The following PARVA variants were observed in gnomAD, a reference collection of about 807,000 sequenced individuals.
The protein encoded by PARVA is alpha-parvin.
PARVA carries 25 observed loss-of-function variants against 52.6 expected under a neutral mutation model. The observed-to-expected ratio is 0.48, with a 90% CI of 0.35 to 0.66. PARVA has a LOEUF of 0.66. Ranked by LOEUF, PARVA falls within the 30% of genes least tolerant of loss-of-function variation. The pLI, the probability that PARVA is intolerant of heterozygous loss-of-function variation, is 0.01. For synonymous variants in PARVA, 185 were observed against 179.1 expected (o/e 1.03, Z -0.26); for missense variants, 373 against 450.9 (o/e 0.83, Z 1.56).
At chr11:12,519,021 C>T (rs1941607181) in intron 12 of PARVA, among the ~76,000 whole-genome samples, 1 of 152,228 alleles carries the variant, frequency 6.6e-6, no homozygotes, top group Non-Finnish European at 1.5e-5. Context: ...GGGACAAGTG[C>T]TTCTGCAGCC....
intron 1 of PARVA, among the ~76,000 whole-genome samples, chr11:12,394,157 A>G (rs1939702092): frequency 6.6e-6 from 1 of 152,154 alleles, no homozygotes. Flanking sequence ...TGAAGCAGAG[A>G]GCTTGGTTCC....
intron 5 of PARVA, among the ~76,000 whole-genome samples, chr11:12,499,566 T>G (rs1941341595): frequency 6.6e-6 from 1 of 152,180 alleles, no homozygotes; most frequent in African/African-American, 2.4e-5. Flanking sequence ...TTCTAAACAC[T>G]TTATGTATTT....
chr11:12,425,992 C>G (rs1184794939), intron 1 of PARVA, among the ~76,000 whole-genome samples: 1 of 68,070 alleles, frequency 1.5e-5, no homozygotes, highest in Non-Finnish European at 2.9e-5. Flanking sequence ...CAGCCATCCA[C>G]TCCCATTCAT....
chr11:12,445,967 G>A (rs903408162), intron 1 of PARVA, among the ~76,000 whole-genome samples: 2 of 151,886 alleles, frequency 1.3e-5, no homozygotes, highest in Admixed American at 1.3e-4. Flanking sequence ...CAATTGTTGA[G>A]GAAAGACAAT....
At chr11:12,377,304 G>C (rs1225179042), upstream of PARVA, 2 of 706,118 alleles carry the variant, frequency 2.8e-6, no homozygotes, top group African/African-American at 3.8e-5. Context: ...GGTGGGGACA[G>C]AGCCTGGGTA....
At chr11:12,483,005 G>T (rs1455413272) in intron 4 of PARVA, among the ~76,000 whole-genome samples, 1 of 152,222 alleles carries the variant, frequency 6.6e-6, no homozygotes, top group Non-Finnish European at 1.5e-5. Context: ...ACTTTGGCTG[G>T]CAAGGACTGG....
chr11:12,516,530 C>G (rs964988569), intron 10 of PARVA, among the ~76,000 whole-genome samples: 3 of 152,212 alleles, frequency 2.0e-5, no homozygotes, highest in Non-Finnish European at 4.4e-5. Context: ...AGCTGAGGGA[C>G]TCTCCTGTCC....
chr11:12,450,997 A>G (rs1940616824), intron 1 of PARVA, among the ~76,000 whole-genome samples: 1 of 152,190 alleles, frequency 6.6e-6, no homozygotes, highest in Non-Finnish European at 1.5e-5. Context: ...ACACCCAGAA[A>G]CAATATGTTA....
At chr11:12,513,043 T>A (rs987101890) in intron 8 of PARVA, 4 of 654,082 alleles carry the variant, frequency 6.1e-6, no homozygotes, top group Non-Finnish European at 8.5e-6. Context: ...TCACACTACC[T>A]AAAAGAGCCC....
intron 1 of PARVA, among the ~76,000 whole-genome samples, chr11:12,468,253 G>A (rs1042288538): frequency 1.3e-5 from 2 of 152,258 alleles, no homozygotes; most frequent in South Asian, 2.1e-4. Flanking sequence ...GCAGGCCTAC[G>A]TCAAATCCCC....
In PARVA at chr11:12,473,961, C is replaced by T. The variant is rs1386782360; in HGVS notation, c.275C>T (p.Pro92Leu). The T allele has an allele frequency of 1.3e-6, 2 of 1,580,678 alleles. No homozygotes were observed. Among genetic ancestry groups the T allele is most frequent in the East Asian group, 2.3e-5 (1 of 43,094 alleles). ...GTGGATCCAAACTCACGCAGTGACC[C>T]CAAGCTTCAAGAACTGATGAAGGTA... ...TMVDPNSRSDPKLQELMKVLI... is the reference protein window; with the variant it reads ...TMVDPNSRSDLKLQELMKVLI... The change falls in exon 3 of 13, where the codon CCC (proline) becomes CTC (leucine). Residue 92 changes from proline (P) to leucine (L), a missense_variant. By Grantham distance (98) the Pro-to-Leu change is moderately conservative. Transcript: ENST00000334956.
At chr11:12,413,187 A>G (rs1940016040) in intron 1 of PARVA, among the ~76,000 whole-genome samples, 1 of 152,214 alleles carries the variant, frequency 6.6e-6, no homozygotes, top group Non-Finnish European at 1.5e-5. Flanking sequence ...TATTATCTCC[A>G]TTTCATAGAT....
chr11:12,387,750 G>A (rs974678417), intron 1 of PARVA, among the ~76,000 whole-genome samples: 7 of 151,496 alleles, frequency 4.6e-5, no homozygotes, highest in African/African-American at 1.7e-4. Context: ...CCCATCGGTT[G>A]GGGGGTTTGG....
chr11:12,518,668 C>T (rs1449133077), intron 12 of PARVA, among the ~76,000 whole-genome samples, 151 bp downstream of exon 12: 1 of 152,182 alleles, frequency 6.6e-6, no homozygotes, highest in African/African-American at 2.4e-5. Context: ...CCCAGAGACC[C>T]TTTGTGAGCT....
At position 12,510,371 on chromosome 11, in the gene PARVA, A is replaced by G. The variant is rs191706103; in HGVS notation, c.717-1143A>G. Reference sequence around the variant, plus strand: ...AAAAAGTGTTTTGAGCATTTACTACATACTAGGAATTATGCTAAAATATTT... The same window carrying G: ...AAAAAGTGTTTTGAGCATTTACTACGTACTAGGAATTATGCTAAAATATTT... On this transcript the variant is annotated intron_variant, in intron 7 of 12. Transcript: ENST00000334956. Among the ~76,000 whole-genome samples the G allele has an allele frequency of 2.1e-3, 316 of 152,364 alleles. 3 individuals are homozygous for G. The highest frequency in any genetic ancestry group is 2.9e-3 in the Non-Finnish European group (200 of 68,038).
chr11:12,447,453 G>A lies in PARVA; in HGVS notation c.137-26292G>A, dbSNP rs117477383. ...GAGAGAGGGACCAGAGCGCCTTGCCGAGCCCCGAGCCCGGTAGATATGGTC... is the reference window on the plus strand; with the variant it reads ...GAGAGAGGGACCAGAGCGCCTTGCCAAGCCCCGAGCCCGGTAGATATGGTC... On this transcript the variant is annotated intron_variant, in intron 1 of 12. Coordinates refer to ENST00000334956, the MANE Select transcript of PARVA (RefSeq NM_018222.5). Among the ~76,000 whole-genome samples, 160 of 152,224 alleles carry A rather than the reference G, an allele frequency of 1.1e-3. 2 individuals carry two copies. The highest frequency in any genetic ancestry group is 2.0e-3 in the Non-Finnish European group (136 of 68,018).
At chr11:12,428,646 C>G (rs560428487) in intron 1 of PARVA, among the ~76,000 whole-genome samples, 1 of 152,094 alleles carries the variant, frequency 6.6e-6, no homozygotes, top group Non-Finnish European at 1.5e-5. Flanking sequence ...GATATTCATG[C>G]GTGTCTGAAT....
chr11:12,431,743 T>C (rs1940318920), intron 1 of PARVA, among the ~76,000 whole-genome samples: 1 of 152,256 alleles, frequency 6.6e-6, no homozygotes, highest in Non-Finnish European at 1.5e-5. Context: ...AGTGCCACCA[T>C]GGGCCCCCCA....
chr11:12,526,479 T>C (rs1223466560), intron 12 of PARVA, among the ~76,000 whole-genome samples: 1 of 152,190 alleles, frequency 6.6e-6, no homozygotes, highest in Non-Finnish European at 1.5e-5. Flanking sequence ...ATTTTTATTG[T>C]GAAAAATATC....
Sources: allele counts gnomAD v4.1 joint callset (sites outside exome capture counted in the v4.1 genomes callset), GRCh38; gene constraint gnomAD v4.1.1; transcripts MANE v1.5; gene names NCBI Gene and HGNC (gene_info 2026-07-23, HGNC 2026-07-21).